The following EDA variants were observed in gnomAD, a reference collection of about 807,000 sequenced individuals.
EDA encodes ectodysplasin A, also known as ectodysplasin-A.
EDA carries 2 observed loss-of-function variants against 23.6 expected under a neutral mutation model. The observed-to-expected ratio is 0.08, with a 90% CI of 0.03 to 0.27. The LOEUF is 0.27. Ranked by LOEUF, EDA falls within the 10% of genes least tolerant of loss-of-function variation. The pLI, the probability that EDA is intolerant of heterozygous loss-of-function variation, is 1.00. For missense variants in EDA, 229 were observed against 324.2 expected, an observed-to-expected ratio of 0.71 and a Z score of 2.26; for synonymous variants, 131 against 132.0, an observed-to-expected ratio of 0.99 and a Z score of 0.05.
At chrX:69,862,749 C>T (rs1259724439) in intron 1 of EDA, among the ~76,000 whole-genome samples, 11 of 111,488 alleles carry the variant, frequency 9.9e-5, no homozygotes, top group South Asian at 3.8e-4. Flanking sequence ...TGGCCAAGAA[C>T]ATATTTTAAA....
chrX:69,689,556 C>T (rs749049936), intron 1 of EDA, among the ~76,000 whole-genome samples: 8 of 110,276 alleles, frequency 7.3e-5, no homozygotes, highest in Non-Finnish European at 1.3e-4. Context: ...AGGCTGGTCT[C>T]GAACTCCTGA....
chrX:69,895,580 G>T (rs2147637118), intron 1 of EDA, among the ~76,000 whole-genome samples: 1 of 111,650 alleles, frequency 9.0e-6, no homozygotes, highest in South Asian at 3.8e-4. Flanking sequence ...ACTATAAACA[G>T]GTAAAAGAGT....
At position 69,990,756 on chromosome X, in the gene EDA, T is replaced by TTTTC. The variant is rs913336065; in HGVS notation, c.503-32462_503-32461insTTTC. ...TTGCTAGGGCTTTTTTTTTTTTTTTTCTGTCTGTTCTTGTTGGCATTTCTA... is the reference window on the plus strand; with the variant it reads ...TTGCTAGGGCTTTTTTTTTTTTTTTTTTTCCTGTCTGTTCTTGTTGGCATTTCTA... On this transcript the variant is annotated intron_variant, in intron 2 of 7. Coordinates refer to ENST00000374552, the MANE Select transcript of EDA (RefSeq NM_001399.5). Among the ~76,000 whole-genome samples, 870 of 107,566 alleles carry TTTTC rather than the reference T, an allele frequency of 8.1e-3. 9 individuals carry two copies. The highest frequency in any genetic ancestry group is 0.026 in the African/African-American group (751 of 29,319). 93.4% of individuals were successfully genotyped at this position (107,566 alleles called of 115,157 possible). A position where few individuals can be genotyped will look rare whatever the true frequency, so the allele number is the denominator to read the frequency against.
At chrX:69,844,547 G>A (rs1200762193) in intron 1 of EDA, among the ~76,000 whole-genome samples, 1 of 112,225 alleles carries the variant, frequency 8.9e-6, no homozygotes, top group African/African-American at 3.2e-5. Context: ...AGAAGCATTG[G>A]AAAAAATGTG....
At chrX:69,658,369 C>G (rs369611238) in intron 1 of EDA, among the ~76,000 whole-genome samples, 7 of 110,131 alleles carry the variant, frequency 6.4e-5, no homozygotes, top group African/African-American at 2.0e-4. Flanking sequence ...GAGGTCTTAT[C>G]AGATCTAGGA....
chrX:69,906,925 T>G (rs1042696153), intron 1 of EDA, among the ~76,000 whole-genome samples: 10 of 112,417 alleles, frequency 8.9e-5, no homozygotes, highest in African/African-American at 3.2e-4. Context: ...AAAGTTAAAA[T>G]TGTTGCCTTG....
At chrX:69,829,455 A>T (rs1319093323) in intron 1 of EDA, among the ~76,000 whole-genome samples, 1 of 112,249 alleles carries the variant, frequency 8.9e-6, no homozygotes, top group Non-Finnish European at 1.9e-5. Context: ...GGTTTTCCAA[A>T]ATGTAAAGAC....
At chrX:69,954,638 C>T (rs779072089) in intron 1 of EDA, among the ~76,000 whole-genome samples, 1 of 112,045 alleles carries the variant, frequency 8.9e-6, no homozygotes, top group Non-Finnish European at 1.9e-5. Context: ...TTCATAAACA[C>T]TGAAGTAAAT....
intron 1 of EDA, among the ~76,000 whole-genome samples, chrX:69,718,528 C>T (rs1215400804): frequency 9.1e-6 from 1 of 110,183 alleles, no homozygotes; most frequent in Non-Finnish European, 1.9e-5. Context: ...TGTCAGATAC[C>T]TTTTCTGCAT....
In EDA at chrX:69,906,185, T is replaced by C. The variant is rs1316601376; in HGVS notation, c.397-50842T>C. Among the ~76,000 whole-genome samples the C allele has an allele frequency of 6.2e-5, 7 of 112,713 alleles. No individual in the cohort carries two copies. In the East Asian group the frequency reaches 2.0e-3, roughly 31 times the overall value. On this transcript the variant is annotated intron_variant, in intron 1 of 7. Transcript: ENST00000374552. ...AGATTTCTGTCCTAACTAACCATCC[T>C]ACGTCATTTCTGACAAAATCTTTCC...
At chrX:69,665,876 T>G (rs1390908066) in intron 1 of EDA, among the ~76,000 whole-genome samples, 1 of 111,586 alleles carries the variant, frequency 9.0e-6, no homozygotes, top group Non-Finnish European at 1.9e-5. Context: ...TTGATTGGGA[T>G]TGCACTGAAT....
At chrX:69,775,551 C>A (rs1482831854) in intron 1 of EDA, among the ~76,000 whole-genome samples, 2 of 111,251 alleles carry the variant, frequency 1.8e-5, no homozygotes, top group Admixed American at 1.9e-4. Context: ...TCCCATATTC[C>A]TTTTAAGCTT....
chrX:69,701,259 C>T (rs1185064021), intron 1 of EDA, among the ~76,000 whole-genome samples: 2 of 110,927 alleles, frequency 1.8e-5, no homozygotes, highest in Admixed American at 9.5e-5. Flanking sequence ...AGGTTTTGGT[C>T]GGCTCAGGAA....
chrX:69,684,849 G>C (rs777263648), intron 1 of EDA, among the ~76,000 whole-genome samples: 5 of 112,471 alleles, frequency 4.4e-5, no homozygotes, highest in African/African-American at 1.6e-4. Context: ...TTCAGTGACT[G>C]TGGCCTGGAA....
chrX:70,017,436 A>G (rs1286671325), intron 2 of EDA, among the ~76,000 whole-genome samples: 1 of 111,938 alleles, frequency 8.9e-6, no homozygotes, highest in Non-Finnish European at 1.9e-5. Context: ...TGAACATAAA[A>G]GCAAAAATCC....
intron 2 of EDA, among the ~76,000 whole-genome samples, chrX:69,970,892 A>G (rs905142662): frequency 8.9e-6 from 1 of 111,983 alleles, no homozygotes; most frequent in African/African-American, 3.2e-5. Flanking sequence ...AGGACTATAT[A>G]GCATTGTAAT....
At chrX:69,660,160 T>A (rs1933439877) in intron 1 of EDA, among the ~76,000 whole-genome samples, 1 of 110,929 alleles carries the variant, frequency 9.0e-6, no homozygotes, top group Non-Finnish European at 1.9e-5. Flanking sequence ...TAAGTGAGGA[T>A]GAAGTCCACA....
intron 2 of EDA, among the ~76,000 whole-genome samples, chrX:70,000,778 C>CTA (rs1189481615): frequency 8.9e-6 from 1 of 112,061 alleles, no homozygotes; most frequent in Non-Finnish European, 1.9e-5. Flanking sequence ...AGAATGTACT[C>CTA]AGAGAGATGA....
intron 1 of EDA, among the ~76,000 whole-genome samples, chrX:69,886,846 A>C (rs1346617927): frequency 8.0e-5 from 9 of 111,829 alleles, no homozygotes; most frequent in Non-Finnish European, 1.7e-4. Flanking sequence ...CCATCAACCC[A>C]AGAACCTAAC....
Sources: gnomAD v4.1 joint callset for allele counts (sites outside exome capture counted in the v4.1 genomes callset) on GRCh38, gnomAD v4.1.1 for gene constraint, MANE v1.5 for transcripts, NCBI Gene and HGNC (gene_info 2026-07-23, HGNC 2026-07-21) for gene names.